The following FMNL1 variants were observed in gnomAD, a reference collection of about 807,000 sequenced individuals.
The protein encoded by FMNL1 is formin like 1, also known as formin-like protein 1.
FMNL1 carries 43 observed loss-of-function variants against 121.3 expected under a neutral mutation model. The ratio of observed to expected loss-of-function variants is 0.35; its 90% CI spans 0.28 to 0.46. The LOEUF is 0.46. FMNL1 is among the 20% of genes least tolerant of loss of function. FMNL1 has a pLI of 1.00. For missense variants in FMNL1, 1,191 were observed against 1,482.4 expected, an observed-to-expected ratio of 0.80 and a Z score of 3.23; for synonymous variants, 613 against 613.5, an observed-to-expected ratio of 1.00 and a Z score of 0.01.
chr17:45,237,166 C>T lies in FMNL1; in HGVS notation c.724-115C>T, dbSNP rs1280078460. ...CAGGTTTTGGTGGCCACAGAAGTTG[C>T]GGTTGGATACAAAGAACTTCCTAAA... is the stretch of plus-strand genomic sequence containing the variant. On this transcript the variant is annotated intron_variant, in intron 7 of 26. Transcript: ENST00000331495. This position sits in a 1 kb window ranked among gnomAD's most constrained non-coding sequence, Gnocchi z 4.4. 1.0e-5 allele frequency: 9 copies of T among 877,556 alleles called. No homozygotes were observed. The highest frequency in any genetic ancestry group is 6.1e-5 in the South Asian group (4 of 65,844). 54.4% of individuals were successfully genotyped at this position (877,556 alleles called of 1,614,324 possible).
intron 1 of FMNL1, 24 bp from the exon 2 acceptor site, chr17:45,230,580 G>A: frequency 1.1e-5 from 18 of 1,612,906 alleles, no homozygotes; most frequent in Non-Finnish European, 1.5e-5. Context: ...CAGGCTCAGG[G>A]GTCTTTGTCC....
intron 6 of FMNL1, among the ~76,000 whole-genome samples, chr17:45,235,859 A>G (rs775391302): frequency 6.6e-6 from 1 of 152,114 alleles, no homozygotes; most frequent in African/African-American, 2.4e-5. Flanking sequence ...CCTTGTGGTG[A>G]TCCTTCCCAT....
At chr17:45,223,739 C>G (rs1193336163) in intron 1 of FMNL1, among the ~76,000 whole-genome samples, 5 of 152,164 alleles carry the variant, frequency 3.3e-5, no homozygotes, top group Non-Finnish European at 4.4e-5. Flanking sequence ...CCCCTGCCAA[C>G]CTGGTTGGAG....
Position 45,241,737 on chromosome 17 carries a change from A to T in FMNL1, c.1585+103A>T. 1 of 1,432,476 alleles carries T rather than the reference A, an allele frequency of 7.0e-7. No homozygotes were observed. The highest frequency in any genetic ancestry group is 9.1e-7 in the Non-Finnish European group (1 of 1,097,158). The allele number at this position is 1,432,476 out of a possible 1,614,324, so 88.7% of individuals were successfully genotyped here. On this transcript the variant is annotated intron_variant, in intron 14 of 26. Transcript: ENST00000331495. The surrounding 1 kb of genome is among the most constrained non-coding windows in gnomAD (Gnocchi z 7.0). ...GTTGGGCGAGGGAGGTTTGGATTGT[A>T]GGCTCGGCTCAGGTAGGAGCGCATG...
chr17:45,241,970 G>T lies in FMNL1; in HGVS notation c.1709G>T (p.Gly570Val). The T allele has an allele frequency of 1.5e-6, 2 of 1,319,994 alleles. No individual in the cohort carries two copies. The highest frequency in any genetic ancestry group is 1.9e-6 in the Non-Finnish European group (2 of 1,037,966). 81.8% of individuals were successfully genotyped at this position (1,319,994 alleles called of 1,614,324 possible). A position where few individuals can be genotyped will look rare whatever the true frequency, so the allele number is the denominator to read the frequency against. Residue 570 changes from glycine to valine, a missense_variant, in exon 15 of 27, where the codon GGC becomes GTC. Coordinates refer to ENST00000331495, the MANE Select transcript of FMNL1 (RefSeq NM_005892.4). This position sits in a 1 kb window ranked among gnomAD's most constrained non-coding sequence, Gnocchi z 7.0. ...CCCCCACAGGCCCCGCCTCTCCCTG[G>T]CAGCCCGGAGCCCCCGCCTGCGCCG... ...SAPPQAPPLP[G>V]SPEPPPAPPL...
intron 22 of FMNL1, 95 bp from the exon 23 acceptor site, chr17:45,245,537 C>T (rs757420081): frequency 1.2e-6 from 2 of 1,601,918 alleles, no homozygotes; most frequent in African/African-American, 1.3e-5. Context: ...GAGGGGCCAC[C>T]CTGCCTGGGA....
chr17:45,233,540 C>A lies in FMNL1; in HGVS notation c.402-108C>A. ...CCAGAATCCTTTGGTATCATTGGGTCTTTGGGGGTTGAAAGGGCACCCCAG... is the reference window on the plus strand; with the variant it reads ...CCAGAATCCTTTGGTATCATTGGGTATTTGGGGGTTGAAAGGGCACCCCAG... On this transcript the variant is annotated intron_variant, in intron 4 of 26. Coordinates refer to ENST00000331495, the MANE Select transcript of FMNL1 (RefSeq NM_005892.4). This position sits in a 1 kb window ranked among gnomAD's most constrained non-coding sequence, Gnocchi z 4.1. 7.7e-7 allele frequency: 1 copy of A among 1,296,958 alleles called. No individual in the cohort carries two copies. Among genetic ancestry groups the A allele is most frequent in the Non-Finnish European group, 1.1e-6 (1 of 917,124 alleles). The allele number at this position is 1,296,958 out of a possible 1,614,324, so 80.3% of individuals were successfully genotyped here.
Position 45,241,909 on chromosome 17 carries a change from G to A in FMNL1, c.1648G>A (p.Gly550Ser), listed in dbSNP as rs1226460594. 3 of 1,390,590 alleles carry A rather than the reference G, an allele frequency of 2.2e-6. No homozygotes were observed. The highest frequency in any genetic ancestry group is 1.5e-5 in the South Asian group (1 of 64,976). The allele number at this position is 1,390,590 out of a possible 1,614,324, so 86.1% of individuals were successfully genotyped here. The change falls in exon 15 of 27, where the codon GGC (glycine) becomes AGC (serine). Residue 550 changes from glycine (G) to serine (S), a missense_variant. Around this residue, in one of 4 missense-constraint regions of FMNL1, gnomAD observed 519 missense variants for 492.8 expected, o/e 1.05. Coordinates refer to ENST00000331495, the MANE Select transcript of FMNL1 (RefSeq NM_005892.4). The surrounding 1 kb of genome is among the most constrained non-coding windows in gnomAD (Gnocchi z 7.0). ...GCCACCGCCGCCGCCCCCACTGCCC[G>A]GCCTCCCCTCCCCGCAGGAAGCCCC... ...AAPPPPPPLP[G>S]LPSPQEAPPS...
chr17:45,243,366 TA>T, intron 17 of FMNL1, 46 bp downstream of exon 17: 1 of 1,598,138 alleles, frequency 6.3e-7, no homozygotes, highest in Non-Finnish European at 8.5e-7. Context: ...GCCCCTTTGC[TA>T]GGCTGGGGTT....
chr17:45,232,041 G>T (rs1326198158), intron 2 of FMNL1, among the ~76,000 whole-genome samples: 2 of 152,160 alleles, frequency 1.3e-5, no homozygotes, highest in African/African-American at 4.8e-5. Context: ...GGGCGTGGTG[G>T]TGCACACCCG....
chr17:45,233,699 C>G lies in FMNL1; in HGVS notation c.453C>G (p.Leu151=), dbSNP rs773819428. 1.2e-6 allele frequency: 2 copies of G among 1,613,926 alleles called. No individual in the cohort carries two copies. The highest frequency in any genetic ancestry group is 1.3e-5 in the African/African-American group (1 of 74,906). The stretch of plus-strand genomic sequence containing the variant: ...AGAACCGTGGCCTGGATGTGCTGCT[C>G]GAGTACCTGGCCTTTGCCCAGTGCT... The part of the protein sequence containing the change: ...NEENRGLDVL[L]EYLAFAQCSV... Residue 151 remains leucine, a synonymous_variant, in exon 5 of 27, where the codon CTC becomes CTG. Transcript: ENST00000331495. This position sits in a 1 kb window ranked among gnomAD's most constrained non-coding sequence, Gnocchi z 4.1.
At chr17:45,230,347 T>TG (rs978207430) in intron 1 of FMNL1, among the ~76,000 whole-genome samples, 1 of 152,158 alleles carries the variant, frequency 6.6e-6, no homozygotes, top group Non-Finnish European at 1.5e-5. Flanking sequence ...GGAGGCGGTG[T>TG]GGGGGGTGAC....
intron 1 of FMNL1, among the ~76,000 whole-genome samples, chr17:45,223,306 G>T (rs576060616): frequency 1.0e-3 from 157 of 152,340 alleles, no homozygotes; most frequent in Non-Finnish European, 2.0e-3. Flanking sequence ...GAGGGTTCTG[G>T]CTCAGTTGGT....
chr17:45,240,434 C>T (rs1208553744), intron 11 of FMNL1, 42 bp from the exon 12 acceptor site: 1 of 1,545,742 alleles, frequency 6.5e-7, no homozygotes, highest in African/African-American at 1.4e-5. Context: ...CCCCCCCACA[C>T]ACACACCAGG....
intron 1 of FMNL1, among the ~76,000 whole-genome samples, chr17:45,223,480 T>C (rs1376400162): frequency 6.6e-6 from 1 of 152,166 alleles, no homozygotes; most frequent in Non-Finnish European, 1.5e-5. Context: ...GGAGGAGCTA[T>C]GGGGTGGCGA....
rs202029598 is a variant in FMNL1 at position 45,241,228 on chromosome 17, C to A, written c.1330C>A (p.Arg444=). 1.9e-5 allele frequency: 30 copies of A among 1,614,008 alleles called. No individual in the cohort carries two copies. The East Asian group carries it at 6.5e-4, about 35-fold the overall frequency. The part of the protein sequence containing the change: ...SQARKELETL[R]ERFSESTAMG... ...GGCGCGCAAGGAGTTGGAGACCCTG[C>A]GGGTGAGGCTGGGGCGGGTGGTAGG... The change falls in exon 13 of 27, where the codon CGG becomes AGG. Residue 444 remains arginine, a splice_region_variant and synonymous_variant. Coordinates refer to ENST00000331495, the MANE Select transcript of FMNL1 (RefSeq NM_005892.4). This position sits in a 1 kb window ranked among gnomAD's most constrained non-coding sequence, Gnocchi z 7.0.
At chr17:45,226,376 G>A (rs1005375203) in intron 1 of FMNL1, among the ~76,000 whole-genome samples, 6 of 152,330 alleles carry the variant, frequency 3.9e-5, no homozygotes, top group Middle Eastern at 3.4e-3. Flanking sequence ...AGCGTGGGGC[G>A]CTGGGTGGCA....
In FMNL1 at chr17:45,221,991, C is replaced by G; in HGVS notation, c.-134C>G. On this transcript the variant is annotated 5_prime_UTR_variant, in exon 1 of 27. Coordinates refer to ENST00000331495, the MANE Select transcript of FMNL1 (RefSeq NM_005892.4). ...GCGCGCCGCTGAGCCGAGCGCCCCC[C>G]GCTGCCGAGACCCCCGCCGCCACCG... The G allele has an allele frequency of 1.6e-6, 1 of 645,016 alleles. No individual in the cohort carries two copies. Among genetic ancestry groups the G allele is most frequent in the Non-Finnish European group, 2.1e-6 (1 of 473,956 alleles). 40.0% of individuals were successfully genotyped at this position (645,016 alleles called of 1,614,324 possible). A position where few individuals can be genotyped will look rare whatever the true frequency, so the allele number is the denominator to read the frequency against.
chr17:45,233,801 C>T lies in FMNL1; in HGVS notation c.485+70C>T. On this transcript the variant is annotated intron_variant, in intron 5 of 26. Transcript: ENST00000331495. The surrounding 1 kb of genome is among the most constrained non-coding windows in gnomAD (Gnocchi z 4.1). ...GATCCCCGTCTCCCTGCATCTCACC[C>T]ACTCCCCTGGCCAGTTTCAAGCCAG... The T allele has an allele frequency of 6.3e-7, 1 of 1,581,594 alleles. No homozygotes were observed. Among genetic ancestry groups the T allele is most frequent in the Non-Finnish European group, 8.6e-7 (1 of 1,160,936 alleles).
Sources: allele counts gnomAD v4.1 joint callset (sites outside exome capture counted in the v4.1 genomes callset), GRCh38; gene constraint gnomAD v4.1.1; regional missense constraint gnomAD v4.1.1; non-coding constraint Gnocchi (gnomAD v3.1); transcripts MANE v1.5; gene names NCBI Gene and HGNC (gene_info 2026-07-23, HGNC 2026-07-21).